CELSR1: variants seen among roughly 807,000 people sequenced by gnomAD.
CELSR1 encodes cadherin EGF LAG seven-pass G-type receptor 1.
CELSR1 carries 110 observed loss-of-function variants against 249.1 expected under a neutral mutation model. The observed-to-expected ratio is 0.44, with a 90% CI of 0.38 to 0.52. The LOEUF (loss-of-function observed/expected upper bound fraction) is 0.52, where lower values mean the gene tolerates loss of function less well. Ranked by LOEUF, CELSR1 falls within the 20% of genes least tolerant of loss-of-function variation. The pLI, the probability that CELSR1 is intolerant of heterozygous loss-of-function variation, is 0.00. For synonymous variants in CELSR1, 2,113 were observed against 1,900.0 expected, an observed-to-expected ratio of 1.11 and a Z score of -2.92; for missense variants, 4,109 against 4,296.4, an observed-to-expected ratio of 0.96 and a Z score of 1.22.
chr22:46,452,033 G>C (rs1364517662), intron 2 of CELSR1, among the ~76,000 whole-genome samples: 2 of 152,174 alleles, frequency 1.3e-5, no homozygotes, highest in African/African-American at 2.4e-5. Context: ...GCTCCTCCTA[G>C]AGCCTCCAGG....
At position 46,413,737 on chromosome 22, in the gene CELSR1, G is replaced by A. The variant is rs950628190; in HGVS notation, c.4612-1978C>T. Among the ~76,000 whole-genome samples, 1 of 152,212 alleles carries A rather than the reference G, an allele frequency of 6.6e-6. No individual in the cohort carries two copies. Among genetic ancestry groups the A allele is most frequent in the Non-Finnish European group, 1.5e-5 (1 of 68,040 alleles). ...TTGGTTAAGCAACAGGTAGGCGAGT[G>A]CATTAAAAATCATCTGTTTTCTCGC... On this transcript the variant is annotated intron_variant, in intron 5 of 34. Transcript: ENST00000674500. The surrounding 1 kb of genome is among the most constrained non-coding windows in gnomAD (Gnocchi z 4.7).
At chr22:46,386,320 T>G in intron 19 of CELSR1, 82 bp downstream of exon 19, 1 of 1,399,800 alleles carries the variant, frequency 7.1e-7, no homozygotes, top group Non-Finnish European at 9.4e-7. Flanking sequence ...GGAGCCCACC[T>G]GCTTCACCCC....
rs2080860382 is a variant in CELSR1 at position 46,536,646 on chromosome 22, C to T, written c.525G>A (p.Pro175=). 3 of 1,164,044 alleles carry T rather than the reference C, an allele frequency of 2.6e-6. No individual in the cohort carries two copies. Among genetic ancestry groups the T allele is most frequent in the Middle Eastern group, 3.6e-4 (1 of 2,806 alleles). The allele number at this position is 1,164,044 out of a possible 1,614,324, so 72.1% of individuals were successfully genotyped here. A position where few individuals can be genotyped will look rare whatever the true frequency, so the allele number is the denominator to read the frequency against. The stretch of plus-strand genomic sequence containing the variant: ...GCAGACGCAGGCGGACCGAGCCGCC[C>T]GGCGGCAGGCAGATGGGACGGCCGG... ...RCPGRPICLP[P]GGSVRLRLLC... The change falls in exon 1 of 35, where the codon CCG becomes CCA. Residue 175 remains proline, a synonymous_variant. Coordinates refer to ENST00000674500, the MANE Select transcript of CELSR1 (RefSeq NM_001378328.1).
chr22:46,419,175 G>C (rs2079437103), intron 5 of CELSR1, among the ~76,000 whole-genome samples: 1 of 152,188 alleles, frequency 6.6e-6, no homozygotes, highest in East Asian at 1.9e-4. Flanking sequence ...GGTCACCTCT[G>C]CGGCCAGGCT....
chr22:46,431,621 G>A (rs1036941791), intron 5 of CELSR1, among the ~76,000 whole-genome samples: 14 of 152,240 alleles, frequency 9.2e-5, no homozygotes, highest in African/African-American at 3.4e-4. Context: ...CAGCTGGCTG[G>A]AAGGGCACAA....
Position 46,410,613 on chromosome 22 carries a change from C to A in CELSR1, c.4770-52G>T. On this transcript the variant is annotated intron_variant, in intron 6 of 34. Transcript: ENST00000674500. The surrounding 1 kb of genome is among the most constrained non-coding windows in gnomAD (Gnocchi z 6.8). ...ACGTCAGGGCGGGGAGAGGCGGCCA[C>A]GGCGGGCTGGGCTCCGCAGTTGCCT... is the stretch of plus-strand genomic sequence containing the variant. 1 of 1,591,396 alleles carries A rather than the reference C, an allele frequency of 6.3e-7. No individual in the cohort carries two copies. Among genetic ancestry groups the A allele is most frequent in the Non-Finnish European group, 8.6e-7 (1 of 1,163,098 alleles).
At position 46,366,866 on chromosome 22, in the gene CELSR1, C is replaced by T. The variant is rs947655475; in HGVS notation, c.8205+127G>A. ...CGGCAGCCACACCGTGCACCGCGGGCGGCTCTGCCATCCCCACCGTGAGGG... is the reference window on the plus strand; with the variant it reads ...CGGCAGCCACACCGTGCACCGCGGGTGGCTCTGCCATCCCCACCGTGAGGG... On this transcript the variant is annotated intron_variant, in intron 29 of 34. Transcript: ENST00000674500. 7.0e-5 allele frequency: 93 copies of T among 1,320,040 alleles called. No homozygotes were observed. The African/African-American group carries it at 1.1e-3, about 16-fold the overall frequency. 81.8% of individuals were successfully genotyped at this position (1,320,040 alleles called of 1,614,324 possible).
intron 5 of CELSR1, among the ~76,000 whole-genome samples, chr22:46,420,597 A>G (rs2147373602): frequency 6.6e-6 from 1 of 152,060 alleles, no homozygotes; most frequent in African/African-American, 2.4e-5. Flanking sequence ...ACTCGTGCTC[A>G]TGCTTGCACA....
Position 46,512,295 on chromosome 22 carries a change from G to T in CELSR1, c.3544+21332C>A, listed in dbSNP as rs1037752393. ...CAAATCAAGGTCCAATACTGGCCAG[G>T]TGCGGTGGCACATGCCTGTAATCCC... is the stretch of plus-strand genomic sequence containing the variant. On this transcript the variant is annotated intron_variant, in intron 1 of 34. Coordinates refer to ENST00000674500, the MANE Select transcript of CELSR1 (RefSeq NM_001378328.1). This position sits in a 1 kb window ranked among gnomAD's most constrained non-coding sequence, Gnocchi z 5.2. Among the ~76,000 whole-genome samples the T allele has an allele frequency of 3.9e-5, 6 of 152,238 alleles. No homozygotes were observed. The highest frequency in any genetic ancestry group is 7.3e-5 in the Non-Finnish European group (5 of 68,044).
chr22:46,362,081 TAG>T lies in CELSR1; in HGVS notation c.*1140_*1141del, dbSNP rs1487538319. 1 of 152,216 alleles carries T rather than the reference TAG, an allele frequency of 6.6e-6. No homozygotes were observed. The highest frequency in any genetic ancestry group is 1.5e-5 in the Non-Finnish European group (1 of 68,042). The allele number at this position is 152,216 out of a possible 1,614,324, so 9.4% of individuals were successfully genotyped here. ...GGAGATCCTCGCAGTCTCAGAGAGT[TAG>T]AGAATTGGCAGGAGGTATGTAACGG... On this transcript the variant is annotated 3_prime_UTR_variant, in exon 35 of 35. Coordinates refer to ENST00000674500, the MANE Select transcript of CELSR1 (RefSeq NM_001378328.1).
At position 46,373,041 on chromosome 22, in the gene CELSR1, A is replaced by G; in HGVS notation, c.7601T>C (p.Val2534Ala). 1.9e-6 allele frequency: 3 copies of G among 1,608,198 alleles called. No individual in the cohort carries two copies. Among genetic ancestry groups the G allele is most frequent in the Non-Finnish European group, 2.5e-6 (3 of 1,177,220 alleles). The change falls in exon 25 of 35, where the codon GTT becomes GCT. Residue 2534 changes from valine to alanine, a missense_variant. This residue lies in a region of CELSR1 where 1,805 missense variants were observed against 1,831.6 expected (regional missense o/e 0.99). Transcript: ENST00000674500. The stretch of plus-strand genomic sequence containing the variant: ...GTAGATGTAGTGGAGGAGGATGGCA[A>G]CCACTGTGCACAGAAACTGCGCAGG... ...QTENPFLCTV[V>A]AILLHYIYMS...
chr22:46,365,384 T>C lies in CELSR1; in HGVS notation c.8405-4A>G. On this transcript the variant is annotated splice_polypyrimidine_tract_variant and splice_region_variant and intron_variant, in intron 31 of 34. Coordinates refer to ENST00000674500, the MANE Select transcript of CELSR1 (RefSeq NM_001378328.1). The stretch of plus-strand genomic sequence containing the variant: ...CTATCTGAGTCGGAATCGTGGCCTG[T>C]GGATGCGCGGGGGACAGGGAGGCTC... The C allele has an allele frequency of 6.2e-7, 1 of 1,612,458 alleles. No individual in the cohort carries two copies. Among genetic ancestry groups the C allele is most frequent in the East Asian group, 2.2e-5 (1 of 44,868 alleles).
rs949146960 is a variant in CELSR1, at chr22:46,433,927, C to A, written c.4523-446G>T. Among the ~76,000 whole-genome samples the A allele has an allele frequency of 6.6e-6, 1 of 152,196 alleles. No homozygotes were observed. Among genetic ancestry groups the A allele is most frequent in the African/African-American group, 2.4e-5 (1 of 41,448 alleles). ...CTCGAACTCCTGACCTCGTGATCTG[C>A]CTGCCTTGGCCTCCCAAACTGCTGG... On this transcript the variant is annotated intron_variant, in intron 4 of 34. Coordinates refer to ENST00000674500, the MANE Select transcript of CELSR1 (RefSeq NM_001378328.1). The surrounding 1 kb of genome is among the most constrained non-coding windows in gnomAD (Gnocchi z 5.7).
In CELSR1 at chr22:46,506,028, A is replaced by G. The variant is rs1213337929; in HGVS notation, c.3544+27599T>C. Among the ~76,000 whole-genome samples the G allele has an allele frequency of 1.3e-5, 2 of 151,748 alleles. No homozygotes were observed. Among genetic ancestry groups the G allele is most frequent in the Non-Finnish European group, 2.9e-5 (2 of 67,942 alleles). ...ACCCTGTCTCTACTAAAAATACAAA[A>G]ATTAGCAGGGCATGGTGGCAGGCAC... is the stretch of plus-strand genomic sequence containing the variant. On this transcript the variant is annotated intron_variant, in intron 1 of 34. Coordinates refer to ENST00000674500, the MANE Select transcript of CELSR1 (RefSeq NM_001378328.1). This position sits in a 1 kb window ranked among gnomAD's most constrained non-coding sequence, Gnocchi z 4.1.
chr22:46,506,739 T>C lies in CELSR1; in HGVS notation c.3544+26888A>G, dbSNP rs1425383258. 6.6e-6 allele frequency among the ~76,000 whole-genome samples: 1 copy of C among 152,202 alleles called. No individual in the cohort carries two copies. The highest frequency in any genetic ancestry group is 2.4e-5 in the African/African-American group (1 of 41,438). ...AGAGTTACGTTCTAATTTTAAGATCTCTGTGCCACCATCCAAATGTGGACA... is the reference window on the plus strand; with the variant it reads ...AGAGTTACGTTCTAATTTTAAGATCCCTGTGCCACCATCCAAATGTGGACA... On this transcript the variant is annotated intron_variant, in intron 1 of 34. Transcript: ENST00000674500. This position sits in a 1 kb window ranked among gnomAD's most constrained non-coding sequence, Gnocchi z 4.1.
chr22:46,420,142 CCACT>C lies in CELSR1; in HGVS notation c.4612-8387_4612-8384del, dbSNP rs1038308749. Among the ~76,000 whole-genome samples, 20 of 147,622 alleles carry C rather than the reference CCACT, an allele frequency of 1.4e-4. 1 individual carries two copies. Among genetic ancestry groups the C allele is most frequent in the African/African-American group, 1.0e-4 (4 of 39,778 alleles). ...CATTCACACTCACATATACACTCAC[CCACT>C]CAAATGTGCCCTCACCCACACGTGC... On this transcript the variant is annotated intron_variant, in intron 5 of 34. Coordinates refer to ENST00000674500, the MANE Select transcript of CELSR1 (RefSeq NM_001378328.1).
intron 1 of CELSR1, among the ~76,000 whole-genome samples, chr22:46,496,076 C>T (rs932058738): frequency 4.6e-5 from 7 of 151,200 alleles, no homozygotes; most frequent in African/African-American, 1.7e-4. Context: ...AGCTTGTAAT[C>T]CTAGCTACTC....
At position 46,367,106 on chromosome 22, in the gene CELSR1, G is replaced by C; in HGVS notation, c.8092C>G (p.Leu2698Val). 1 of 1,611,268 alleles carries C rather than the reference G, an allele frequency of 6.2e-7. No homozygotes were observed. Among genetic ancestry groups the C allele is most frequent in the South Asian group, 1.1e-5 (1 of 90,832 alleles). Residue 2698 changes from leucine to valine, a missense_variant, in exon 29 of 35, where the codon CTC (leucine) becomes GTC (valine). Transcript: ENST00000674500. The stretch of plus-strand genomic sequence containing the variant: ...TGGTTGAGCACGCAGTGGAAAAGGA[G>C]GACGAAGGGGCCCTGGAGGGAGGAA... The part of the protein sequence containing the change: ...IFSGLQGPFV[L>V]LFHCVLNQEV...
chr22:46,479,818 C>T (rs1452830493), intron 1 of CELSR1, among the ~76,000 whole-genome samples: 1 of 152,148 alleles, frequency 6.6e-6, no homozygotes, highest in East Asian at 1.9e-4. Flanking sequence ...GCTGCGAAAG[C>T]CCCAGGCAGA....
Sources: gnomAD v4.1 joint callset for allele counts (sites outside exome capture counted in the v4.1 genomes callset) on GRCh38, gnomAD v4.1.1 for gene constraint, gnomAD v4.1.1 regional missense constraint, Gnocchi (gnomAD v3.1) non-coding constraint, MANE v1.5 for transcripts, NCBI Gene and HGNC (gene_info 2026-07-23, HGNC 2026-07-21) for gene names.